Variants in RBBP8 observed in about 807,000 individuals in gnomAD.
RBBP8 encodes DNA endonuclease RBBP8.
RBBP8 carries 88 observed loss-of-function variants against 108.3 expected under a neutral mutation model. That is an observed-to-expected ratio of 0.81 (90% CI 0.68 to 0.97). RBBP8 has a LOEUF of 0.97. Ranked by LOEUF, RBBP8 falls within the 50% of genes least tolerant of loss-of-function variation. The pLI, the probability that RBBP8 is intolerant of heterozygous loss-of-function variation, is 0.00. For synonymous variants in RBBP8, 332 were observed against 348.2 expected (o/e 0.95, Z 0.52); for missense variants, 1,023 against 1,049.0 (o/e 0.98, Z 0.34).
chr18:22,989,441 A>G, intron 9 of RBBP8, 123 bp downstream of exon 9: 1 of 678,060 alleles, frequency 1.5e-6, no homozygotes, highest in Non-Finnish European at 2.6e-6. Flanking sequence ...CTGAAACAAA[A>G]CTTACATTGT....
intron 8 of RBBP8, among the ~76,000 whole-genome samples, chr18:22,985,385 A>T (rs1402466741): frequency 6.6e-6 from 1 of 152,164 alleles, no homozygotes; most frequent in Non-Finnish European, 1.5e-5. Flanking sequence ...AAAGCAGGGT[A>T]AGAAGGGATA....
chr18:22,981,901 T>G (rs1171604099), intron 6 of RBBP8, among the ~76,000 whole-genome samples: 1 of 152,160 alleles, frequency 6.6e-6, no homozygotes, highest in Non-Finnish European at 1.5e-5. Context: ...CAGCTTTCCC[T>G]TCTCCAACAT....
At chr18:22,960,430 C>CA (rs1213701741) in intron 4 of RBBP8, among the ~76,000 whole-genome samples, 1 of 152,106 alleles carries the variant, frequency 6.6e-6, no homozygotes, top group Admixed American at 6.5e-5. Context: ...CCTGTAGTCC[C>CA]AGCTACTCAG....
chr18:22,950,928 T>C (rs1166791500), intron 4 of RBBP8, among the ~76,000 whole-genome samples: 2 of 152,214 alleles, frequency 1.3e-5, no homozygotes, highest in African/African-American at 4.8e-5. Context: ...TTCTTGATAT[T>C]TTTGTATATG....
At chr18:22,994,433 G>A (rs1342560040) in intron 12 of RBBP8, among the ~76,000 whole-genome samples, 3 of 148,530 alleles carry the variant, frequency 2.0e-5, no homozygotes, top group Non-Finnish European at 3.0e-5. Context: ...ACGATGTCAG[G>A]AGATCGAGAC....
Position 22,989,248 on chromosome 18 carries a change from C to G in RBBP8, c.737C>G (p.Pro246Arg). ...AKAHGTSSYTPDKSSFNLATV... is the reference protein window; with the variant it reads ...AKAHGTSSYTRDKSSFNLATV... ...GCACATGGAACAAGCAGCTATACCC[C>G]TGATAAGTCATCTTTTAATTTAGCT... The change falls in exon 9 of 19, where the codon CCT becomes CGT. Residue 246 changes from proline to arginine, a missense_variant. Transcript: ENST00000327155. The G allele has an allele frequency of 1.2e-6, 2 of 1,610,438 alleles. No homozygotes were observed. The highest frequency in any genetic ancestry group is 1.7e-6 in the Non-Finnish European group (2 of 1,177,080).
At chr18:22,968,675 A>G (rs1598680444) in intron 4 of RBBP8, 131 bp from the exon 5 acceptor site, 2 of 713,190 alleles carry the variant, frequency 2.8e-6, no homozygotes, top group East Asian at 5.7e-5. Context: ...TAAAGGTATA[A>G]TAACATCATT....
chr18:22,948,054 C>A (rs1276380296), intron 3 of RBBP8, among the ~76,000 whole-genome samples: 1 of 151,976 alleles, frequency 6.6e-6, no homozygotes, highest in East Asian at 1.9e-4. Flanking sequence ...ACTTTTCACT[C>A]CTTAAGAGTG....
intron 12 of RBBP8, among the ~76,000 whole-genome samples, chr18:22,996,168 T>G (rs2045853586): frequency 6.6e-6 from 1 of 152,230 alleles, no homozygotes; most frequent in South Asian, 2.1e-4. Context: ...GAGAACTGTC[T>G]ATTTAGATCC....
intron 2 of RBBP8, among the ~76,000 whole-genome samples, chr18:22,939,791 A>G (rs1410169015): frequency 6.6e-6 from 1 of 152,176 alleles, no homozygotes; most frequent in Non-Finnish European, 1.5e-5. Flanking sequence ...ATACTATGTT[A>G]TTATCTGAAA....
intron 6 of RBBP8, 71 bp from the exon 7 acceptor site, chr18:22,982,147 A>T: frequency 6.7e-7 from 1 of 1,498,508 alleles, no homozygotes; most frequent in Non-Finnish European, 9.2e-7. Context: ...TTCTACTGTA[A>T]CTCCATGCCA....
intron 16 of RBBP8, among the ~76,000 whole-genome samples, chr18:23,014,593 A>G (rs1224945630): frequency 2.0e-5 from 3 of 152,180 alleles, no homozygotes; most frequent in Non-Finnish European, 4.4e-5. Flanking sequence ...TGCTCATGCC[A>G]CTTCACTCCA....
intron 5 of RBBP8, among the ~76,000 whole-genome samples, chr18:22,969,690 A>G (rs1326198635): frequency 6.6e-6 from 1 of 152,148 alleles, no homozygotes; most frequent in Non-Finnish European, 1.5e-5. Flanking sequence ...AGTCTGATAC[A>G]TATCTGTCCA....
intron 6 of RBBP8, among the ~76,000 whole-genome samples, chr18:22,976,345 T>C (rs1410870078): frequency 1.3e-5 from 2 of 152,100 alleles, no homozygotes; most frequent in Non-Finnish European, 2.9e-5. Flanking sequence ...ATGTCAACAC[T>C]TTCTAATTTT....
chr18:22,928,930 A>G (rs544690511), upstream of RBBP8, among the ~76,000 whole-genome samples: 9 of 152,266 alleles, frequency 5.9e-5, no homozygotes, highest in African/African-American at 2.2e-4. Flanking sequence ...TCGGCCTCCC[A>G]AAGTGCAGGG....
intron 6 of RBBP8, among the ~76,000 whole-genome samples, chr18:22,976,469 G>T (rs1914505187): frequency 6.6e-6 from 1 of 152,106 alleles, no homozygotes; most frequent in South Asian, 2.1e-4. Context: ...TAACCTCACT[G>T]CAATGGCAGA....
chr18:22,993,043 A>T lies in RBBP8; in HGVS notation c.1216A>T (p.Ile406Leu). Residue 406 changes from isoleucine to leucine, a missense_variant, in exon 11 of 19, where the codon ATA becomes TTA. By Grantham distance (5) the Ile-to-Leu change is conservative. Coordinates refer to ENST00000327155, the MANE Select transcript of RBBP8 (RefSeq NM_002894.3). ...KIIIQSSNKQILINKNISESL... is the reference protein window; with the variant it reads ...KIIIQSSNKQLLINKNISESL... ...CATTATCCAGTCATCTAATAAACAGATACTTATAAATAAAAATATAAGTGA... is the reference window on the plus strand; with the variant it reads ...CATTATCCAGTCATCTAATAAACAGTTACTTATAAATAAAAATATAAGTGA... 1 of 1,612,280 alleles carries T rather than the reference A, an allele frequency of 6.2e-7. No individual in the cohort carries two copies. Among genetic ancestry groups the T allele is most frequent in the Non-Finnish European group, 8.5e-7 (1 of 1,178,512 alleles).
At chr18:22,949,590 A>G (rs776975594) in intron 3 of RBBP8, 28 bp from the exon 4 acceptor site, 3 of 1,507,724 alleles carry the variant, frequency 2.0e-6, no homozygotes, top group South Asian at 2.3e-5. Context: ...TTTTTATCTG[A>G]AAAACTTATT....
chr18:23,008,860 G>T (rs1285133427), intron 16 of RBBP8, among the ~76,000 whole-genome samples: 2 of 135,818 alleles, frequency 1.5e-5, no homozygotes, highest in African/African-American at 5.7e-5. Flanking sequence ...TGCAAGCTCT[G>T]CCTCCTGGGT....
Sources: gnomAD v4.1 joint callset for allele counts (sites outside exome capture counted in the v4.1 genomes callset) on GRCh38, gnomAD v4.1.1 for gene constraint, MANE v1.5 for transcripts, NCBI Gene and HGNC (gene_info 2026-07-23, HGNC 2026-07-21) for gene names.